Variants in NQO2 observed in about 807,000 individuals in gnomAD.
NQO2 encodes ribosyldihydronicotinamide dehydrogenase [quinone].
Under a neutral mutation model 22.0 loss-of-function variants are expected in NQO2, and 18 were observed. The ratio of observed to expected loss-of-function variants is 0.82; its 90% CI spans 0.56 to 1.21. NQO2 has a LOEUF of 1.21. Ranked by LOEUF, NQO2 falls within the 50% of genes most tolerant of loss-of-function variation. The pLI is 0.00. For synonymous variants in NQO2, 106 were observed against 110.8 expected (o/e 0.96, Z 0.28); for missense variants, 267 against 286.9 (o/e 0.93, Z 0.50).
intron 4 of NQO2, among the ~76,000 whole-genome samples, chr6:3,013,170 T>C (rs1757207923): frequency 6.6e-6 from 1 of 151,874 alleles, no homozygotes; most frequent in East Asian, 1.9e-4. Flanking sequence ...TTAGCCAGGA[T>C]GGTCTCGATC....
chr6:3,017,230 GA>G (rs1757363399), intron 6 of NQO2, among the ~76,000 whole-genome samples: 1 of 152,204 alleles, frequency 6.6e-6, no homozygotes, highest in South Asian at 2.1e-4. Flanking sequence ...GACCAATAGG[GA>G]AAACATGCCC....
chr6:3,013,898 C>T (rs1364151069), intron 4 of NQO2, among the ~76,000 whole-genome samples: 3 of 152,198 alleles, frequency 2.0e-5, no homozygotes, highest in Admixed American at 6.5e-5. Flanking sequence ...CTGCTCTCGT[C>T]CACAGATTCC....
chr6:3,002,325 T>C (rs1756762325), intron 1 of NQO2: 9 of 813,546 alleles, frequency 1.1e-5, no homozygotes, highest in Non-Finnish European at 1.3e-5. Context: ...TTTTTCTTTT[T>C]TGAGACAGAG....
intron 1 of NQO2, among the ~76,000 whole-genome samples, chr6:3,005,350 C>T (rs1341101843): frequency 7.2e-5 from 11 of 152,212 alleles, no homozygotes; most frequent in Admixed American, 6.5e-4. Context: ...CGGCAGCACT[C>T]GACCTTTCCC....
intron 4 of NQO2, chr6:3,015,029 G>C (rs1383775670): frequency 8.6e-7 from 1 of 1,161,506 alleles, no homozygotes; most frequent in Non-Finnish European, 1.1e-6. Context: ...TGGATGTAAT[G>C]TTAGGGCATC....
rs147747189 is a variant in NQO2, at chr6:3,019,260, C to T, written c.520-219C>T. 8.3e-6 allele frequency: 5 copies of T among 605,556 alleles called. No individual in the cohort carries two copies. In the East Asian group the frequency reaches 7.0e-4, roughly 85 times the overall value. The allele number at this position is 605,556 out of a possible 1,614,324, so 37.5% of individuals were successfully genotyped here. ...GTTAATTGCAGTTATAAAAATAGAG[C>T]TTGGAAATTGCAACTGCCCCAAGTT... On this transcript the variant is annotated intron_variant, in intron 6 of 6. Coordinates refer to ENST00000380455, the MANE Select transcript of NQO2 (RefSeq NM_000904.6).
At chr6:3,019,431 T>G in intron 6 of NQO2, 48 bp from the exon 7 acceptor site, 2 of 1,568,394 alleles carry the variant, frequency 1.3e-6, no homozygotes, top group Non-Finnish European at 1.7e-6. Context: ...GAATGGTATG[T>G]AACAGGTGTA....
intron 4 of NQO2, among the ~76,000 whole-genome samples, 157 bp downstream of exon 4, chr6:3,012,831 A>C (rs748151829): frequency 6.6e-6 from 1 of 151,864 alleles, no homozygotes; most frequent in Non-Finnish European, 1.5e-5. Context: ...TACAACACCT[A>C]GTTACAACAT....
In NQO2 at chr6:3,006,751, C is replaced by T. The variant is rs4149361; in HGVS notation, c.7+192C>T. ...TCCAAGCCACGTGGAAGTGTATAAA[C>T]TATCTGGAATTATCTTGTTTTCTAT... On this transcript the variant is annotated intron_variant, in intron 2 of 6. Coordinates refer to ENST00000380455, the MANE Select transcript of NQO2 (RefSeq NM_000904.6). The surrounding 1 kb of genome is among the most constrained non-coding windows in gnomAD (Gnocchi z 4.0). 0.61 allele frequency: 330,726 copies of T among 539,020 alleles called. 101,867 individuals carry two copies. The highest frequency in any genetic ancestry group is 0.64 in the Non-Finnish European group (196,319 of 308,938). The allele number at this position is 539,020 out of a possible 1,614,324, so 33.4% of individuals were successfully genotyped here.
chr6:3,004,596 T>C (rs1756870831), intron 1 of NQO2: 1 of 985,404 alleles, frequency 1.0e-6, no homozygotes, highest in Non-Finnish European at 1.2e-6. Context: ...CAGCTGGAGA[T>C]AAGGAGTGGG....
Position 3,006,718 on chromosome 6 carries a change from G to A in NQO2, c.7+159G>A, listed in dbSNP as rs1756962340. ...TTAATCAGAAATTGGATACATTGTT[G>A]TAAAAAATCCAAGCCACGTGGAAGT... is the stretch of plus-strand genomic sequence containing the variant. On this transcript the variant is annotated intron_variant, in intron 2 of 6. Transcript: ENST00000380455. This position sits in a 1 kb window ranked among gnomAD's most constrained non-coding sequence, Gnocchi z 4.0. 4.4e-6 allele frequency: 3 copies of A among 676,790 alleles called. No individual in the cohort carries two copies. The highest frequency in any genetic ancestry group is 4.9e-5 in the South Asian group (2 of 40,438). 41.9% of individuals were successfully genotyped at this position (676,790 alleles called of 1,614,324 possible).
chr6:3,004,937 G>A (rs892321260), intron 1 of NQO2, among the ~76,000 whole-genome samples: 1 of 152,058 alleles, frequency 6.6e-6, no homozygotes, highest in Non-Finnish European at 1.5e-5. Context: ...TGGGATTACA[G>A]GTGCACACCA....
chr6:3,010,636 T>C (rs1242068412), intron 3 of NQO2, among the ~76,000 whole-genome samples: 1 of 151,580 alleles, frequency 6.6e-6, no homozygotes, highest in Non-Finnish European at 1.5e-5. Context: ...AAGGGAGAAA[T>C]ATCCCTGACA....
intron 1 of NQO2, among the ~76,000 whole-genome samples, chr6:3,001,120 A>C (rs7768940): frequency 7.3e-6 from 1 of 137,390 alleles, no homozygotes. Context: ...ATGGAGTTTC[A>C]CTCTTATTGC....
At chr6:3,007,011 C>T in intron 2 of NQO2, 1 of 398,444 alleles carries the variant, frequency 2.5e-6, no homozygotes, top group Non-Finnish European at 4.4e-6. Flanking sequence ...TGCAATCTCT[C>T]AACTTTTTAA....
chr6:3,017,261 G>A (rs12524783), intron 6 of NQO2, among the ~76,000 whole-genome samples: 26,146 of 152,206 alleles, frequency 0.17, 2,568 homozygotes, highest in Non-Finnish European at 0.22. Context: ...CTTTTGATAT[G>A]GTTTGGGCAG....
intron 2 of NQO2, among the ~76,000 whole-genome samples, chr6:3,007,723 C>G (rs1756998503): frequency 1.3e-5 from 2 of 152,184 alleles, no homozygotes; most frequent in South Asian, 4.1e-4. Context: ...TCCTAGAGTC[C>G]TCTTTGTTAT....
At position 3,005,299 on chromosome 6, in the gene NQO2, T is replaced by C. The variant is rs1756910457; in HGVS notation, c.-85-1169T>C. ...CTGAGTCATATGTTAATTCTCATTT[T>C]TCTAATTGTAATTTTTGGGGGCACA... is the stretch of plus-strand genomic sequence containing the variant. On this transcript the variant is annotated intron_variant, in intron 1 of 6. Transcript: ENST00000380455. 3.3e-5 allele frequency among the ~76,000 whole-genome samples: 5 copies of C among 152,320 alleles called. No homozygotes were observed. In the South Asian group the frequency reaches 1.0e-3, roughly 32 times the overall value.
At chr6:3,008,435 A>C (rs1178191488) in intron 2 of NQO2, among the ~76,000 whole-genome samples, 1 of 133,586 alleles carries the variant, frequency 7.5e-6, no homozygotes, top group Non-Finnish European at 1.7e-5. Context: ...AAAGAAAAAG[A>C]AAAAAGGAAA....
Sources: gnomAD v4.1 joint callset for allele counts (sites outside exome capture counted in the v4.1 genomes callset) on GRCh38, gnomAD v4.1.1 for gene constraint, Gnocchi (gnomAD v3.1) non-coding constraint, MANE v1.5 for transcripts, NCBI Gene and HGNC (gene_info 2026-07-23, HGNC 2026-07-21) for gene names.